Variants in LPIN1 observed in about 807,000 individuals in gnomAD.
LPIN1 encodes the protein lipin 1.
In LPIN1, 71 loss-of-function variants were observed where a neutral mutation model predicts 107.5. The observed-to-expected ratio is 0.66, with a 90% confidence interval of 0.55 to 0.80. LPIN1 has a LOEUF of 0.80. Among genes scored for constraint, LPIN1 ranks in the 30% least tolerant of loss-of-function variants. The probability of loss-of-function intolerance (pLI) is 0.00; values close to 1 mark genes in which losing one functional copy is unlikely to be tolerated. For missense variants in LPIN1, 1,043 were observed against 1,160.6 expected (o/e 0.90, Z 1.47); for synonymous variants, 445 against 452.6 (o/e 0.98, Z 0.21).
Position 11,803,156 on chromosome 2 carries a change from A to G in LPIN1, c.2013+123A>G, listed in dbSNP as rs756493043. ...CACCTTTCATCCCAGGGGGCCTGCA[A>G]TCCCTCAACTGGGTACCCGCTGTTT... On this transcript the variant is annotated intron_variant, in intron 15 of 20. Coordinates refer to ENST00000674199, the MANE Select transcript of LPIN1 (RefSeq NM_001349206.2). The surrounding 1 kb of genome is among the most constrained non-coding windows in gnomAD (Gnocchi z 4.2). 61 of 1,345,362 alleles carry G rather than the reference A, an allele frequency of 4.5e-5. No homozygotes were observed. Among genetic ancestry groups the G allele is most frequent in the East Asian group, 1.4e-4 (6 of 43,460 alleles). The allele number at this position is 1,345,362 out of a possible 1,614,324, so 83.3% of individuals were successfully genotyped here.
At position 11,719,180 on chromosome 2, in the gene LPIN1, A is replaced by G. The variant is rs186271344; in HGVS notation, c.138+5368A>G. 3.3e-5 allele frequency among the ~76,000 whole-genome samples: 5 copies of G among 152,198 alleles called. No individual in the cohort carries two copies. In the East Asian group the frequency reaches 9.6e-4, roughly 29 times the overall value. ...TTTTTTTCCTAGTAATTTCTCTTCT[A>G]TTCCCTTCATTATTTTTATTTATTC... On this transcript the variant is annotated intron_variant, in intron 2 of 21. Transcript: ENST00000449576.
intron 1 of LPIN1, among the ~76,000 whole-genome samples, chr2:11,755,256 C>T (rs544738524): frequency 3.8e-4 from 58 of 152,298 alleles, no homozygotes; most frequent in Non-Finnish European, 7.5e-4. Flanking sequence ...CATGAGCCAC[C>T]GCGCCCGGCC....
chr2:11,740,479 C>T lies in LPIN1; in HGVS notation c.-71-870C>T, dbSNP rs549281469. ...GCAGATCATTTGAGCTCAGGAGTTC[C>T]AGACAAGCCTAAGCAACATGGCGAA... On this transcript the variant is annotated intron_variant, in intron 1 of 21. Transcript: ENST00000396097. Among the ~76,000 whole-genome samples, 4 of 151,936 alleles carry T rather than the reference C, an allele frequency of 2.6e-5. No homozygotes were observed. In the East Asian group the frequency reaches 7.7e-4, roughly 29 times the overall value.
chr2:11,768,828 C>T (rs987735665), intron 3 of LPIN1, among the ~76,000 whole-genome samples: 3 of 152,112 alleles, frequency 2.0e-5, no homozygotes, highest in African/African-American at 7.2e-5. Flanking sequence ...CCCAGCTACT[C>T]CGGAGACTGA....
chr2:11,772,404 G>A (rs970560327), intron 4 of LPIN1, among the ~76,000 whole-genome samples: 1 of 152,194 alleles, frequency 6.6e-6, no homozygotes, highest in East Asian at 1.9e-4. Flanking sequence ...TTGGCTGATC[G>A]CTTTAGCAGC....
At chr2:11,743,823 C>T (rs774357595), upstream of LPIN1, among the ~76,000 whole-genome samples, 1 of 152,160 alleles carries the variant, frequency 6.6e-6, no homozygotes, top group Non-Finnish European at 1.5e-5. The surrounding 1 kb of genome is among the most constrained non-coding windows in gnomAD (Gnocchi z 4.7). Context: ...ATTCTTCCCG[C>T]CTACCTTGCC....
chr2:11,785,146 C>G (rs1474108594), intron 10 of LPIN1, 70 bp downstream of exon 10: 5 of 1,210,258 alleles, frequency 4.1e-6, no homozygotes, highest in African/African-American at 1.5e-5. Context: ...TAGGCTTCTC[C>G]AAGGAGTGCG....
chr2:11,678,895 C>T (rs1016600908), intron 1 of LPIN1, among the ~76,000 whole-genome samples: 3 of 152,354 alleles, frequency 2.0e-5, no homozygotes, highest in South Asian at 2.1e-4. Context: ...AGGACCTTCT[C>T]TCGGGAGCCC....
chr2:11,824,875 C>G lies in LPIN1; in HGVS notation c.*84C>G. ...TAGGTCTCCCCGGAGTGCACAGCTC[C>G]ACCTGGGAGCCTGGCGCGTCATCAT... On this transcript the variant is annotated 3_prime_UTR_variant, in exon 21 of 21. Coordinates refer to ENST00000674199, the MANE Select transcript of LPIN1 (RefSeq NM_001349206.2). 2.7e-6 allele frequency: 4 copies of G among 1,496,816 alleles called. No individual in the cohort carries two copies. In the South Asian group the frequency reaches 4.5e-5, roughly 17 times the overall value. 92.7% of individuals were successfully genotyped at this position (1,496,816 alleles called of 1,614,324 possible).
chr2:11,686,431 GC>G (rs548493772), intron 1 of LPIN1, among the ~76,000 whole-genome samples: 6 of 152,308 alleles, frequency 3.9e-5, no homozygotes, highest in African/African-American at 1.4e-4. Flanking sequence ...GGAGAGGAGG[GC>G]TAGAACGCTG....
upstream of LPIN1, among the ~76,000 whole-genome samples, chr2:11,744,488 C>T (rs1352380490): frequency 6.6e-6 from 1 of 152,200 alleles, no homozygotes; most frequent in East Asian, 1.9e-4. Context: ...TGGGCAGCAG[C>T]GGGACCTAAT....
At chr2:11,679,823 T>C (rs1275782147) in intron 1 of LPIN1, among the ~76,000 whole-genome samples, 1 of 152,222 alleles carries the variant, frequency 6.6e-6, no homozygotes, top group African/African-American at 2.4e-5. Context: ...TCTGGCCTGC[T>C]TCCTCTCAAG....
At chr2:11,731,751 T>C (rs1665254494) in intron 1 of LPIN1, among the ~76,000 whole-genome samples, 1 of 152,198 alleles carries the variant, frequency 6.6e-6, no homozygotes, top group Admixed American at 6.5e-5. Context: ...GACTTTTTAA[T>C]AATTGCCTTT....
intron 1 of LPIN1, among the ~76,000 whole-genome samples, chr2:11,704,391 C>T (rs796787115): frequency 1.8e-4 from 28 of 152,278 alleles, no homozygotes; most frequent in African/African-American, 6.7e-4. Flanking sequence ...TGAGGCCCCA[C>T]CCGGGGGAGG....
At chr2:11,794,474 A>C (rs1676319274) in intron 13 of LPIN1, among the ~76,000 whole-genome samples, 1 of 152,228 alleles carries the variant, frequency 6.6e-6, no homozygotes, top group Admixed American at 6.5e-5. Context: ...ATAAAACATA[A>C]CTGGACATAT....
intron 1 of LPIN1, among the ~76,000 whole-genome samples, chr2:11,753,152 C>A (rs533414452): frequency 6.6e-6 from 1 of 152,120 alleles, no homozygotes; most frequent in African/African-American, 2.4e-5. Context: ...CACTTTGCCA[C>A]CCTGGAAGCT....
In LPIN1 at chr2:11,771,289, G is replaced by A; in HGVS notation, c.289-83G>A. 2 of 1,401,924 alleles carry A rather than the reference G, an allele frequency of 1.4e-6. No individual in the cohort carries two copies. The allele number at this position is 1,401,924 out of a possible 1,614,324, so 86.8% of individuals were successfully genotyped here. ...CCAGGAGGTGCTTGGCCTCTGAAGT[G>A]AATCCTGGAGGCCTCTGGCAAGGCC... On this transcript the variant is annotated intron_variant, in intron 3 of 20. Transcript: ENST00000674199. This position sits in a 1 kb window ranked among gnomAD's most constrained non-coding sequence, Gnocchi z 4.8.
At chr2:11,784,146 A>G in intron 9 of LPIN1, 1 of 810,842 alleles carries the variant, frequency 1.2e-6, no homozygotes, top group East Asian at 4.2e-5. Context: ...TCTACTGAAA[A>G]TACCAAAATT....
At chr2:11,746,479 G>A (rs1666926424), upstream of LPIN1, 1 of 187,686 alleles carries the variant, frequency 5.3e-6, no homozygotes, top group African/African-American at 2.4e-5. Context: ...GGGGTGAGCG[G>A]GCAGGGCCGG....
Sources: allele counts gnomAD v4.1 joint callset (sites outside exome capture counted in the v4.1 genomes callset), GRCh38; gene constraint gnomAD v4.1.1; non-coding constraint Gnocchi (gnomAD v3.1); transcripts MANE v1.5; gene names NCBI Gene and HGNC (gene_info 2026-07-23, HGNC 2026-07-21).